The following STKLD1 variants were observed in gnomAD, a reference collection of about 807,000 sequenced individuals.
STKLD1 encodes serine/threonine kinase-like domain-containing protein STKLD1.
Under a neutral mutation model 80.4 loss-of-function variants are expected in STKLD1, and 79 were observed. That is an observed-to-expected ratio of 0.98 (90% CI 0.82 to 1.19). The LOEUF is 1.19. Ranked by LOEUF, STKLD1 falls within the 50% of genes most tolerant of loss-of-function variation. The probability of loss-of-function intolerance (pLI) is 0.00; values close to 1 mark genes in which losing one functional copy is unlikely to be tolerated. For missense variants in STKLD1, 841 were observed against 856.0 expected (o/e 0.98, Z 0.22); for synonymous variants, 393 against 357.6 (o/e 1.10, Z -1.12).
intron 15 of STKLD1, 45 bp from the exon 16 acceptor site, chr9:133,403,875 C>G (rs1588758978): frequency 6.2e-7 from 1 of 1,610,678 alleles, no homozygotes; most frequent in East Asian, 2.2e-5. Context: ...GAGGGGTGGG[C>G]CTCATGGCAC....
chr9:133,385,639 G>T lies in STKLD1; in HGVS notation c.242G>T (p.Arg81Leu). ...CAGCTGATGCCACTGCTGAAGCTGCGGCACGCCCACATCTCTGTGTACCAG... is the reference window on the plus strand; with the variant it reads ...CAGCTGATGCCACTGCTGAAGCTGCTGCACGCCCACATCTCTGTGTACCAG... The part of the protein sequence containing the change: ...LEELMPLLKL[R>L]HAHISVYQEL... Residue 81 changes from arginine (R) to leucine (L), a missense_variant, in exon 4 of 18, where the codon CGG (arginine) becomes CTG (leucine). Physicochemically the swap from Arg to Leu is moderately radical, Grantham distance 102. Coordinates refer to ENST00000371957, the MANE Select transcript of STKLD1 (RefSeq NM_153710.5). The surrounding 1 kb of genome is among the most constrained non-coding windows in gnomAD (Gnocchi z 4.9). 1 of 1,613,296 alleles carries T rather than the reference G, an allele frequency of 6.2e-7. No homozygotes were observed. The highest frequency in any genetic ancestry group is 1.1e-5 in the South Asian group (1 of 91,084).
intron 12 of STKLD1, among the ~76,000 whole-genome samples, chr9:133,400,975 G>A (rs958190605): frequency 3.9e-5 from 6 of 152,202 alleles, no homozygotes; most frequent in African/African-American, 1.4e-4. Context: ...AGGGAGGATG[G>A]GTTGTGTCCT....
intron 2 of STKLD1, among the ~76,000 whole-genome samples, chr9:133,382,674 A>G (rs150806688): frequency 2.2e-4 from 32 of 144,878 alleles, no homozygotes; most frequent in African/African-American, 8.0e-4. Context: ...TGATGATAGT[A>G]ATGGTGATGG....
chr9:133,383,963 G>A lies in STKLD1; in HGVS notation c.219+63G>A, dbSNP rs2130271738. The A allele has an allele frequency of 4.3e-4, 641 of 1,475,090 alleles. 8 individuals are homozygous for A. In the South Asian group the frequency reaches 6.8e-3, roughly 16 times the overall value. The allele number at this position is 1,475,090 out of a possible 1,614,324, so 91.4% of individuals were successfully genotyped here. A position where few individuals can be genotyped will look rare whatever the true frequency, so the allele number is the denominator to read the frequency against. ...ATGGAGCATACACAGACTGTGTTCT[G>A]TACCTTCTTGTTGAGTGCCTGGATG... On this transcript the variant is annotated intron_variant, in intron 3 of 17. Coordinates refer to ENST00000371957, the MANE Select transcript of STKLD1 (RefSeq NM_153710.5).
At position 133,389,051 on chromosome 9, in the gene STKLD1, C is replaced by T; in HGVS notation, c.397-475C>T. 1 of 985,416 alleles carries T rather than the reference C, an allele frequency of 1.0e-6. No homozygotes were observed. Among genetic ancestry groups the T allele is most frequent in the Non-Finnish European group, 1.2e-6 (1 of 829,900 alleles). 61.0% of individuals were successfully genotyped at this position (985,416 alleles called of 1,614,324 possible). On this transcript the variant is annotated intron_variant, in intron 5 of 17. Transcript: ENST00000371957. The surrounding 1 kb of genome is among the most constrained non-coding windows in gnomAD (Gnocchi z 6.4). Reference sequence around the variant, plus strand: ...CCCTAGGAGCCCAGCTTTAGAATCACCGCGCTGGGTACTCGATGGAGCTTG... The same window carrying T: ...CCCTAGGAGCCCAGCTTTAGAATCATCGCGCTGGGTACTCGATGGAGCTTG...
chr9:133,397,753 T>TCC, intron 10 of STKLD1, among the ~76,000 whole-genome samples: 1 of 152,278 alleles, frequency 6.6e-6, no homozygotes, highest in East Asian at 1.9e-4. Flanking sequence ...ATCTGTGTGC[T>TCC]CCAAGACAGA....
chr9:133,399,778 C>G (rs1382911322), intron 11 of STKLD1, among the ~76,000 whole-genome samples: 1 of 151,548 alleles, frequency 6.6e-6, no homozygotes, highest in Non-Finnish European at 1.5e-5. Context: ...ACGCAGGAGG[C>G]TGAGGCAGGA....
At chr9:133,382,297 A>C (rs1213648092) in intron 2 of STKLD1, among the ~76,000 whole-genome samples, 1 of 152,252 alleles carries the variant, frequency 6.6e-6, no homozygotes, top group Admixed American at 6.5e-5. Flanking sequence ...TGGAGCGTAT[A>C]TTATGCTGTC....
At chr9:133,397,506 C>CTATA (rs1423129922) in intron 10 of STKLD1, among the ~76,000 whole-genome samples, 4 of 152,182 alleles carry the variant, frequency 2.6e-5, no homozygotes, top group Admixed American at 2.0e-4. Context: ...TCCCAACTAC[C>CTATA]TATAACACAA....
At chr9:133,405,032 AC>A (rs1305212005) in intron 17 of STKLD1, 103 bp downstream of exon 17, 2 of 1,498,916 alleles carry the variant, frequency 1.3e-6, no homozygotes, top group Admixed American at 2.1e-5. Context: ...GGTGGGCTCA[AC>A]CCCACTTCTC....
At chr9:133,404,344 A>G (rs937506688) in intron 16 of STKLD1, among the ~76,000 whole-genome samples, 1 of 152,142 alleles carries the variant, frequency 6.6e-6, no homozygotes, top group African/African-American at 2.4e-5. Context: ...TGATCAAAAC[A>G]GCTCTGCAAA....
rs71378573 is a variant in STKLD1 at position 133,390,194 on chromosome 9, A to AACACAC, written c.468-434_468-429dup. ...TTCAGCCTGGGCAACCCTGACTTAA[A>AACACAC]ACACACACACACACACACACACACA... On this transcript the variant is annotated intron_variant, in intron 6 of 17. Transcript: ENST00000371957. The surrounding 1 kb of genome is among the most constrained non-coding windows in gnomAD (Gnocchi z 5.1). Among the ~76,000 whole-genome samples the AACACAC allele has an allele frequency of 1.5e-4, 19 of 123,410 alleles. No individual in the cohort carries two copies. Among genetic ancestry groups the AACACAC allele is most frequent in the African/African-American group, 3.5e-4 (11 of 31,318 alleles). The allele number at this position is 123,410 out of a possible 152,430, so 81.0% of individuals were successfully genotyped here.
At chr9:133,379,181 A>C (rs1230703584) in intron 2 of STKLD1, 59 bp downstream of exon 2, 1 of 1,433,738 alleles carries the variant, frequency 7.0e-7, no homozygotes, top group Non-Finnish European at 9.7e-7. Context: ...GATTTTCCCC[A>C]ATACAAGCTC....
At chr9:133,403,877 T>C in intron 15 of STKLD1, 43 bp from the exon 16 acceptor site, 1 of 1,610,656 alleles carries the variant, frequency 6.2e-7, no homozygotes. Context: ...GGGGTGGGCC[T>C]CATGGCACAG....
chr9:133,379,524 G>A (rs1838083627), intron 2 of STKLD1, among the ~76,000 whole-genome samples: 1 of 152,210 alleles, frequency 6.6e-6, no homozygotes, highest in East Asian at 1.9e-4. Context: ...CCACCTCACT[G>A]GGGGACACCG....
At chr9:133,383,245 G>GTTA (rs2119210232) in intron 2 of STKLD1, among the ~76,000 whole-genome samples, 1 of 133,300 alleles carries the variant, frequency 7.5e-6, no homozygotes, top group Non-Finnish European at 1.6e-5. Context: ...TGATGATGGT[G>GTTA]ATGGTGGTGG....
chr9:133,388,160 G>A (rs935484595), intron 5 of STKLD1, among the ~76,000 whole-genome samples: 1 of 152,178 alleles, frequency 6.6e-6, no homozygotes, highest in Non-Finnish European at 1.5e-5. Flanking sequence ...ACAGATTTCC[G>A]ACTTGGTTTG....
chr9:133,376,603 A>C, intron 1 of STKLD1, 43 bp downstream of exon 1: 1 of 1,511,788 alleles, frequency 6.6e-7, no homozygotes, highest in African/African-American at 1.4e-5. Flanking sequence ...TCCGTGGGGT[A>C]ACGGTCGCAA....
chr9:133,403,640 A>T, intron 14 of STKLD1, 60 bp from the exon 15 acceptor site: 1 of 1,559,000 alleles, frequency 6.4e-7, no homozygotes, highest in Non-Finnish European at 8.7e-7. Flanking sequence ...GGGGATGGGA[A>T]GGCCCCCCTG....
Sources: allele counts gnomAD v4.1 joint callset (sites outside exome capture counted in the v4.1 genomes callset), GRCh38; gene constraint gnomAD v4.1.1; non-coding constraint Gnocchi (gnomAD v3.1); transcripts MANE v1.5; gene names NCBI Gene and HGNC (gene_info 2026-07-23, HGNC 2026-07-21).